Variants in PGAP4 observed in about 807,000 individuals in gnomAD.
PGAP4 encodes the protein GPI-N-acetylgalactosamine transferase PGAP4.
A neutral mutation model predicts 28.2 loss-of-function variants in PGAP4; 12 were observed. That is an observed-to-expected ratio of 0.42 (90% CI 0.27 to 0.69). PGAP4 has a LOEUF of 0.69. PGAP4 is among the 30% of genes least tolerant of loss of function. PGAP4 has a pLI of 0.22. For synonymous variants in PGAP4, 205 were observed against 211.8 expected, an observed-to-expected ratio of 0.97 and a Z score of 0.28; for missense variants, 425 against 513.5, an observed-to-expected ratio of 0.83 and a Z score of 1.67.
At chr9:101,512,560 C>T (rs1339982081) in intron 2 of PGAP4, among the ~76,000 whole-genome samples, 4 of 152,268 alleles carry the variant, frequency 2.6e-5, no homozygotes, top group South Asian at 4.1e-4. Flanking sequence ...GCCAATTAGA[C>T]ATTTAAACTA....
intron 1 of PGAP4, among the ~76,000 whole-genome samples, chr9:101,478,033 A>G (rs1826377379): frequency 6.6e-6 from 1 of 152,198 alleles, no homozygotes; most frequent in Admixed American, 6.5e-5. Context: ...CCAGGCTCAT[A>G]TTGGTGTGAA....
intron 2 of PGAP4, among the ~76,000 whole-genome samples, chr9:101,524,434 C>T (rs924337890): frequency 1.3e-5 from 2 of 152,148 alleles, no homozygotes; most frequent in Non-Finnish European, 2.9e-5. Context: ...GGCTTCGTTC[C>T]TTCTCAGCCT....
At chr9:101,523,359 T>A (rs941740065) in intron 2 of PGAP4, among the ~76,000 whole-genome samples, 1 of 152,042 alleles carries the variant, frequency 6.6e-6, no homozygotes, top group African/African-American at 2.4e-5. Context: ...TTAGTTTTGG[T>A]CATTTAACAT....
At chr9:101,510,496 C>T (rs1826887763) in intron 2 of PGAP4, among the ~76,000 whole-genome samples, 1 of 151,938 alleles carries the variant, frequency 6.6e-6, no homozygotes, top group African/African-American at 2.4e-5. Context: ...TAGCCAGTTG[C>T]CATATGTTAT....
chr9:101,477,925 G>C (rs1370994186), intron 1 of PGAP4, among the ~76,000 whole-genome samples: 1 of 152,078 alleles, frequency 6.6e-6, no homozygotes. Context: ...GGGAGCGGGG[G>C]GGGAAAGGCA....
intron 2 of PGAP4, among the ~76,000 whole-genome samples, chr9:101,515,363 C>T (rs1826934589): frequency 2.0e-5 from 3 of 152,084 alleles, no homozygotes; most frequent in African/African-American, 7.2e-5. Flanking sequence ...AGTGCCCACC[C>T]AGATAATTCA....
intron 2 of PGAP4, chr9:101,501,692 G>C (rs1393532230): frequency 1.9e-6 from 1 of 518,574 alleles, no homozygotes; most frequent in East Asian, 5.5e-5. Flanking sequence ...CACATTCACT[G>C]AGTAGAACTT....
intron 2 of PGAP4, among the ~76,000 whole-genome samples, chr9:101,505,931 A>G (rs1826844660): frequency 6.6e-6 from 1 of 152,176 alleles, no homozygotes; most frequent in African/African-American, 2.4e-5. Context: ...ATAAAAAACA[A>G]AGAGCTTCCA....
Position 101,475,846 on chromosome 9 carries a change from A to C in PGAP4, c.*35T>G. On this transcript the variant is annotated 3_prime_UTR_variant, in exon 2 of 2. Coordinates refer to ENST00000374848, the MANE Select transcript of PGAP4 (RefSeq NM_032342.3). ...AGAGATAAATATTTGAATCTTCAAG[A>C]AGTGGCCAACTTCAGAAAGGCATCT... 1 of 1,579,674 alleles carries C rather than the reference A, an allele frequency of 6.3e-7. No homozygotes were observed. Among genetic ancestry groups the C allele is most frequent in the Non-Finnish European group, 8.6e-7 (1 of 1,160,386 alleles).
intron 1 of PGAP4, chr9:101,532,635 T>G (rs1827111124): frequency 6.6e-6 from 1 of 152,202 alleles, no homozygotes; most frequent in Non-Finnish European, 1.5e-5. Context: ...ATGAGTGTCA[T>G]TGTCTCATAC....
chr9:101,527,140 AG>A (rs1827041811), intron 2 of PGAP4, among the ~76,000 whole-genome samples: 1 of 152,208 alleles, frequency 6.6e-6, no homozygotes, highest in South Asian at 2.1e-4. Context: ...CAAGTATCAC[AG>A]GGTTGACGAG....
At chr9:101,493,279 TATAA>T (rs940478636) in intron 2 of PGAP4, among the ~76,000 whole-genome samples, 3 of 151,458 alleles carry the variant, frequency 2.0e-5, no homozygotes, top group African/African-American at 4.9e-5. Flanking sequence ...ATAGTAAACT[TATAA>T]ATCTCACTAA....
At chr9:101,489,899 T>A (rs911256862), upstream of PGAP4, among the ~76,000 whole-genome samples, 1 of 152,248 alleles carries the variant, frequency 6.6e-6, no homozygotes, top group African/African-American at 2.4e-5. Flanking sequence ...GGTGTCATAA[T>A]AGAGTAATTG....
chr9:101,522,092 C>A (rs538947876), intron 2 of PGAP4, among the ~76,000 whole-genome samples: 2 of 152,168 alleles, frequency 1.3e-5, no homozygotes, highest in Non-Finnish European at 2.9e-5. Context: ...GATATAATTT[C>A]AATTTTCTTA....
intron 2 of PGAP4, among the ~76,000 whole-genome samples, chr9:101,517,502 GT>G (rs1564101737): frequency 6.6e-6 from 1 of 152,086 alleles, no homozygotes; most frequent in Non-Finnish European, 1.5e-5. Flanking sequence ...AAGATATCAA[GT>G]TTTAAAAACG....
At chr9:101,531,089 G>A (rs1312256192) in intron 2 of PGAP4, 1 of 151,966 alleles carries the variant, frequency 6.6e-6, no homozygotes, top group Admixed American at 6.6e-5. Flanking sequence ...CTTTCCTGGG[G>A]CTCCAGGTTG....
At chr9:101,501,681 C>T (rs1826800864) in intron 2 of PGAP4, 5 of 517,604 alleles carry the variant, frequency 9.7e-6, no homozygotes, top group Admixed American at 3.9e-5. Flanking sequence ...TGGCTGTAAT[C>T]CACATTCACT....
At chr9:101,514,022 G>C (rs974281727) in intron 2 of PGAP4, among the ~76,000 whole-genome samples, 1 of 134,934 alleles carries the variant, frequency 7.4e-6, no homozygotes, top group Non-Finnish European at 1.6e-5. Flanking sequence ...TTTTTTTTTT[G>C]TTCTATTCAG....
At chr9:101,506,730 AC>A (rs1349942154) in intron 2 of PGAP4, among the ~76,000 whole-genome samples, 2 of 152,098 alleles carry the variant, frequency 1.3e-5, no homozygotes, top group East Asian at 3.9e-4. Flanking sequence ...ATTTAAATAG[AC>A]CCCACTAAGC....
Sources: allele counts gnomAD v4.1 joint callset (sites outside exome capture counted in the v4.1 genomes callset), GRCh38; gene constraint gnomAD v4.1.1; transcripts MANE v1.5; gene names NCBI Gene and HGNC (gene_info 2026-07-23, HGNC 2026-07-21).